The following ITK variants were observed in gnomAD, a reference collection of about 807,000 sequenced individuals.
ITK encodes tyrosine-protein kinase ITK/TSK.
ITK carries 45 observed loss-of-function variants against 87.6 expected under a neutral mutation model. The observed-to-expected ratio is 0.51, with a 90% CI of 0.40 to 0.66. ITK has a LOEUF of 0.66. Among genes scored for constraint, ITK ranks in the 30% least tolerant of loss-of-function variants. The probability of loss-of-function intolerance (pLI) is 0.00; values close to 1 mark genes in which losing one functional copy is unlikely to be tolerated. For missense variants in ITK, 605 were observed against 766.3 expected, an observed-to-expected ratio of 0.79 and a Z score of 2.48; for synonymous variants, 303 against 273.6, an observed-to-expected ratio of 1.11 and a Z score of -1.06.
chr5:157,194,597 C>T (rs1051791967), intron 1 of ITK, among the ~76,000 whole-genome samples: 1 of 152,092 alleles, frequency 6.6e-6, no homozygotes, highest in African/African-American at 2.4e-5. Flanking sequence ...ATGCTGAGGC[C>T]ATTTCCATGA....
intron 1 of ITK, among the ~76,000 whole-genome samples, chr5:157,189,039 T>G (rs1357659472): frequency 1.3e-5 from 2 of 152,204 alleles, no homozygotes; most frequent in Non-Finnish European, 1.5e-5. Flanking sequence ...TAACTCATGT[T>G]GCATTCAGAA....
rs1205867785 is a variant in ITK at position 157,252,952 on chromosome 5, A to C, written c.*274A>C. 2.0e-6 allele frequency: 1 copy of C among 510,682 alleles called. No individual in the cohort carries two copies. The highest frequency in any genetic ancestry group is 1.9e-5 in the African/African-American group (1 of 52,444). 31.6% of individuals were successfully genotyped at this position (510,682 alleles called of 1,614,324 possible). On this transcript the variant is annotated 3_prime_UTR_variant, in exon 17 of 17. Transcript: ENST00000422843. ...AGCCTCTTGTCACATGTGGTGCACA[A>C]ACCTCAACCTGACAGCTTTCAGACA...
At chr5:157,190,599 G>C (rs970480630) in intron 1 of ITK, among the ~76,000 whole-genome samples, 2 of 152,204 alleles carry the variant, frequency 1.3e-5, no homozygotes, top group African/African-American at 4.8e-5. Context: ...TAACTGCATA[G>C]GGCAGATAGA....
At position 157,238,111 on chromosome 5, in the gene ITK, C is replaced by A; in HGVS notation, c.771C>A (p.Gly257=). 2.5e-6 allele frequency: 4 copies of A among 1,611,908 alleles called. No homozygotes were observed. Among genetic ancestry groups the A allele is most frequent in the African/African-American group, 1.3e-5 (1 of 74,952 alleles). Residue 257 remains glycine, a splice_region_variant and synonymous_variant, in exon 9 of 17, where the codon GGC becomes GGA. Coordinates refer to ENST00000422843, the MANE Select transcript of ITK (RefSeq NM_005546.4). ...DKAEKLLLDT[G]KEGAFMVRDS... ...TCCATTCTTTCTAACCATTCCAGGG[C>A]AAAGAAGGAGCCTTCATGGTAAGGG...
chr5:157,220,087 T>C (rs1431727317), intron 5 of ITK, among the ~76,000 whole-genome samples: 1 of 152,226 alleles, frequency 6.6e-6, no homozygotes, highest in Non-Finnish European at 1.5e-5. Flanking sequence ...TGAGTGGTAA[T>C]GACATCTCGG....
intron 1 of ITK, among the ~76,000 whole-genome samples, chr5:157,183,853 C>G (rs191497213): frequency 6.6e-6 from 1 of 152,032 alleles, no homozygotes; most frequent in Non-Finnish European, 1.5e-5. Flanking sequence ...GAAAAATAAC[C>G]CTTCTACATA....
chr5:157,239,652 C>A (rs980499081), intron 9 of ITK, among the ~76,000 whole-genome samples: 1 of 152,126 alleles, frequency 6.6e-6, no homozygotes, highest in Non-Finnish European at 1.5e-5. Flanking sequence ...GGTAGTCAGG[C>A]CTGTTATGTT....
chr5:157,210,695 TC>T (rs1341636808), intron 2 of ITK, among the ~76,000 whole-genome samples: 1 of 42,816 alleles, frequency 2.3e-5, no homozygotes, highest in Non-Finnish European at 4.1e-5. Context: ...CCCTCCCCCC[TC>T]CCCCCACCCC....
At position 157,254,035 on chromosome 5, in the gene ITK, G is replaced by C. The variant is rs981044448; in HGVS notation, c.*1357G>C. The C allele has an allele frequency of 1.3e-5, 3 of 226,214 alleles. No homozygotes were observed. The highest frequency in any genetic ancestry group is 2.6e-5 in the Non-Finnish European group (3 of 113,624). The allele number at this position is 226,214 out of a possible 1,614,324, so 14.0% of individuals were successfully genotyped here. ...ACATCTGCCCAAAGTGATGGAACTA[G>C]AAAGTCTAGAGCTGGTATTCTAGCC... On this transcript the variant is annotated 3_prime_UTR_variant, in exon 17 of 17. Coordinates refer to ENST00000422843, the MANE Select transcript of ITK (RefSeq NM_005546.4).
intron 5 of ITK, among the ~76,000 whole-genome samples, chr5:157,218,676 A>T (rs142721047): frequency 1.6e-3 from 245 of 152,200 alleles, no homozygotes; most frequent in African/African-American, 5.6e-3. Flanking sequence ...TTTTATTCTC[A>T]TTGTAAAGCT....
chr5:157,212,339 A>C (rs554963042), intron 3 of ITK, among the ~76,000 whole-genome samples: 6 of 152,350 alleles, frequency 3.9e-5, no homozygotes, highest in African/African-American at 1.4e-4. Context: ...AGGATAAGCA[A>C]ACTATTTGTT....
At chr5:157,226,128 C>G (rs901266986) in intron 6 of ITK, among the ~76,000 whole-genome samples, 1 of 152,220 alleles carries the variant, frequency 6.6e-6, no homozygotes, top group African/African-American at 2.4e-5. Context: ...TGAGGATTCA[C>G]AGATGACCAT....
intron 1 of ITK, among the ~76,000 whole-genome samples, chr5:157,187,959 T>C (rs1399614888): frequency 6.6e-6 from 1 of 151,648 alleles, no homozygotes; most frequent in African/African-American, 2.4e-5. Context: ...ACCATCATCC[T>C]TGGCTATTTA....
intron 1 of ITK, among the ~76,000 whole-genome samples, chr5:157,196,583 C>T (rs1342923691): frequency 6.6e-6 from 1 of 152,048 alleles, no homozygotes; most frequent in Non-Finnish European, 1.5e-5. Flanking sequence ...GATTTTTATC[C>T]ACCTGCCAAT....
intron 6 of ITK, among the ~76,000 whole-genome samples, chr5:157,225,195 A>T (rs1407894728): frequency 3.3e-5 from 5 of 151,908 alleles, no homozygotes; most frequent in Admixed American, 2.6e-4. Context: ...GGGTCTCATT[A>T]TGTTGCCCGG....
chr5:157,229,716 C>G (rs1462511100), intron 7 of ITK, among the ~76,000 whole-genome samples: 1 of 152,048 alleles, frequency 6.6e-6, no homozygotes, highest in African/African-American at 2.4e-5. Context: ...GAGTTTGAGA[C>G]CAGGCTGACC....
At chr5:157,225,464 G>GT (rs1433006097) in intron 6 of ITK, among the ~76,000 whole-genome samples, 1 of 150,988 alleles carries the variant, frequency 6.6e-6, no homozygotes, top group African/African-American at 2.4e-5. Context: ...AATCTGATGG[G>GT]TTAAAAAAAA....
At chr5:157,188,756 T>G (rs1182549751) in intron 1 of ITK, among the ~76,000 whole-genome samples, 1 of 152,180 alleles carries the variant, frequency 6.6e-6, no homozygotes. Flanking sequence ...ACTACAGAAG[T>G]GCATCACCAC....
chr5:157,244,846 T>G, intron 13 of ITK: 1 of 307,822 alleles, frequency 3.2e-6, no homozygotes, highest in Non-Finnish European at 6.4e-6. Context: ...GGGAAGCCCT[T>G]AAGCTACTCT....
Sources: gnomAD v4.1 joint callset for allele counts (sites outside exome capture counted in the v4.1 genomes callset) on GRCh38, gnomAD v4.1.1 for gene constraint, MANE v1.5 for transcripts, NCBI Gene and HGNC (gene_info 2026-07-23, HGNC 2026-07-21) for gene names.